COL6A6: variants seen among roughly 807,000 people sequenced by gnomAD.
COL6A6 encodes the protein collagen type VI alpha 6 chain, also known as collagen alpha-6(VI) chain.
In COL6A6, 183 loss-of-function variants were observed where a neutral mutation model predicts 208.6. That is an observed-to-expected ratio of 0.88 (90% CI 0.78 to 0.99). The LOEUF (loss-of-function observed/expected upper bound fraction) is 0.99. COL6A6 is among the 50% of genes least tolerant of loss of function. The pLI, the probability that COL6A6 is intolerant of heterozygous loss-of-function variation, is 0.00. For synonymous variants in COL6A6, 973 were observed against 1,011.8 expected (o/e 0.96, Z 0.73); for missense variants, 2,816 against 2,815.2 (o/e 1.00, Z -0.01).
intron 12 of COL6A6, chr3:130,590,071 C>T: frequency 2.4e-6 from 1 of 417,158 alleles, no homozygotes; most frequent in Non-Finnish European, 4.8e-6. Flanking sequence ...TAGCATAAAT[C>T]TTAAAAGATT....
intron 1 of COL6A6, among the ~76,000 whole-genome samples, chr3:130,552,685 C>A (rs186256239): frequency 6.6e-6 from 1 of 152,278 alleles, no homozygotes; most frequent in Non-Finnish European, 1.5e-5. Flanking sequence ...ATCCTGTCAT[C>A]GTGTTGTTAA....
In COL6A6 at chr3:130,571,186, C is replaced by T. The variant is rs768323264; in HGVS notation, c.2770C>T (p.His924Tyr). The change falls in exon 7 of 37, where the codon CAT becomes TAT. Residue 924 changes from histidine (H) to tyrosine (Y), a missense_variant. Coordinates refer to ENST00000358511, the MANE Select transcript of COL6A6 (RefSeq NM_001102608.3). ...CATTGTGATCACCGATGGGGAATCC[C>T]ATGATGCTGATAAACTCAATGCCAC... ...VLIVITDGES[H>Y]DADKLNATAK... is the part of the protein sequence containing the mutation. 3.1e-6 allele frequency: 5 copies of T among 1,613,484 alleles called. No individual in the cohort carries two copies. The highest frequency in any genetic ancestry group is 4.2e-6 in the Non-Finnish European group (5 of 1,179,624).
At chr3:130,557,381 C>T (rs1217117396) in intron 1 of COL6A6, among the ~76,000 whole-genome samples, 1 of 152,132 alleles carries the variant, frequency 6.6e-6, no homozygotes, top group Non-Finnish European at 1.5e-5. Flanking sequence ...GTGCCTATTG[C>T]GTGCCAAGGA....
intron 23 of COL6A6, among the ~76,000 whole-genome samples, chr3:130,614,951 C>A (rs2064473136): frequency 6.6e-6 from 1 of 151,922 alleles, no homozygotes; most frequent in Non-Finnish European, 1.5e-5. Context: ...TGGCAAAGAA[C>A]AAATTCCTTG....
chr3:130,591,581 AATATATGTTAC>A (rs2063717270), intron 13 of COL6A6, among the ~76,000 whole-genome samples: 1 of 152,244 alleles, frequency 6.6e-6, no homozygotes, highest in Non-Finnish European at 1.5e-5. Flanking sequence ...TCATTCAACA[AATATATGTTAC>A]ATATATGTGT....
intron 1 of COL6A6, among the ~76,000 whole-genome samples, chr3:130,540,173 T>C (rs1049414779): frequency 1.3e-5 from 2 of 152,246 alleles, no homozygotes; most frequent in African/African-American, 2.4e-5. Context: ...TTATTTCCTT[T>C]TTAAAAATAG....
intron 30 of COL6A6, 48 bp from the exon 31 acceptor site, chr3:130,642,939 C>T: frequency 1.2e-6 from 2 of 1,612,752 alleles, no homozygotes; most frequent in Non-Finnish European, 1.7e-6. Context: ...AACCTCAGGG[C>T]CTAGCAGTTT....
intron 20 of COL6A6, among the ~76,000 whole-genome samples, chr3:130,603,210 G>A (rs537391181): frequency 6.6e-6 from 1 of 152,216 alleles, no homozygotes; most frequent in Non-Finnish European, 1.5e-5. Flanking sequence ...TGTAGAGTGT[G>A]GTTTCTCAGC....
chr3:130,539,483 A>T (rs888460647), intron 1 of COL6A6, among the ~76,000 whole-genome samples: 1 of 152,004 alleles, frequency 6.6e-6, no homozygotes, highest in Non-Finnish European at 1.5e-5. Flanking sequence ...AAAATACAAA[A>T]ATTAGCCGGG....
At chr3:130,588,150 T>A (rs1187904604) in intron 11 of COL6A6, among the ~76,000 whole-genome samples, 11 of 152,220 alleles carry the variant, frequency 7.2e-5, no homozygotes, top group Non-Finnish European at 4.4e-5. Flanking sequence ...TTTCTGAAAT[T>A]GTCAGGAAAA....
chr3:130,610,665 C>G lies in COL6A6; in HGVS notation c.4769C>G (p.Ala1590Gly). Residue 1590 changes from alanine to glycine, a missense_variant, in exon 23 of 37, where the codon GCT becomes GGT. Physicochemically the swap from Ala to Gly is moderately conservative, Grantham distance 60. Transcript: ENST00000358511. The stretch of plus-strand genomic sequence containing the variant: ...TGTACTTAGGGCCCAAGAGGAGAGG[C>G]TGGTGTGAAAGGAGAAAAAGGAGGT... The part of the protein sequence containing the change: ...LKGPQGPRGE[A>G]GVKGEKGGVG... The G allele has an allele frequency of 1.9e-6, 3 of 1,591,150 alleles. No individual in the cohort carries two copies. Among genetic ancestry groups the G allele is most frequent in the South Asian group, 2.3e-5 (2 of 86,760 alleles).
intron 32 of COL6A6, among the ~76,000 whole-genome samples, chr3:130,648,576 T>G (rs1340917512): frequency 6.6e-6 from 1 of 152,256 alleles, no homozygotes; most frequent in Non-Finnish European, 1.5e-5. Context: ...CTACTCTCTT[T>G]GCGTCTCATT....
At chr3:130,653,791 T>C (rs1272735670) in intron 33 of COL6A6, among the ~76,000 whole-genome samples, 1 of 152,002 alleles carries the variant, frequency 6.6e-6, no homozygotes, top group Non-Finnish European at 1.5e-5. Context: ...CTTTATTGAC[T>C]GAAAGATTAC....
intron 12 of COL6A6, among the ~76,000 whole-genome samples, chr3:130,590,288 TATATATATATA>T (rs1212905557): frequency 4.4e-4 from 11 of 24,990 alleles, no homozygotes; most frequent in African/African-American, 1.3e-3. Context: ...TATATATATA[TATATATATATA>T]TTTTTTTTTT....
chr3:130,668,108 G>T (rs2066120724), intron 36 of COL6A6, among the ~76,000 whole-genome samples: 1 of 151,388 alleles, frequency 6.6e-6, no homozygotes, highest in Non-Finnish European at 1.5e-5. Flanking sequence ...AAATATATGA[G>T]TAATCACAAA....
At chr3:130,635,797 C>T (rs772229664) in intron 28 of COL6A6, 36 bp downstream of exon 28, 3 of 1,472,974 alleles carry the variant, frequency 2.0e-6, no homozygotes, top group Non-Finnish European at 2.8e-6. Context: ...GACAACCTCA[C>T]TACATTGGGA....
chr3:130,564,863 A>G (rs1324373881), intron 3 of COL6A6, 131 bp from the exon 4 acceptor site: 28 of 1,045,712 alleles, frequency 2.7e-5, no homozygotes, highest in Non-Finnish European at 3.6e-5. Context: ...CCTCAACTTC[A>G]TAATTATTTG....
intron 11 of COL6A6, 73 bp downstream of exon 11, chr3:130,586,733 A>G: frequency 7.1e-7 from 1 of 1,411,410 alleles, no homozygotes; most frequent in Non-Finnish European, 9.5e-7. Context: ...ACTTATGCTT[A>G]AGAATTTGAA....
intron 23 of COL6A6, among the ~76,000 whole-genome samples, chr3:130,612,507 T>C (rs2064388939): frequency 2.0e-5 from 3 of 152,214 alleles, no homozygotes; most frequent in Admixed American, 2.0e-4. Context: ...TTTTAATTTC[T>C]CTAATCAGTG....
Sources: allele counts gnomAD v4.1 joint callset (sites outside exome capture counted in the v4.1 genomes callset), GRCh38; gene constraint gnomAD v4.1.1; transcripts MANE v1.5; gene names NCBI Gene and HGNC (gene_info 2026-07-23, HGNC 2026-07-21).